Variants in MLH3 observed in about 807,000 individuals in gnomAD.
MLH3 encodes mutL homolog 3.
A neutral mutation model predicts 122.2 loss-of-function variants in MLH3; 82 were observed. That is an observed-to-expected ratio of 0.67 (90% CI 0.56 to 0.81). The LOEUF (loss-of-function observed/expected upper bound fraction) is 0.81, where lower values mean the gene tolerates loss of function less well. Ranked by LOEUF, MLH3 falls within the 30% of genes least tolerant of loss-of-function variation. MLH3 has a pLI of 0.00. For synonymous variants in MLH3, 524 were observed against 599.5 expected, an observed-to-expected ratio of 0.87 and a Z score of 1.84; for missense variants, 1,539 against 1,714.5, an observed-to-expected ratio of 0.90 and a Z score of 1.81.
chr14:75,040,680 T>C (rs939424936), intron 4 of MLH3, among the ~76,000 whole-genome samples: 4 of 152,136 alleles, frequency 2.6e-5, no homozygotes, highest in African/African-American at 9.7e-5. Context: ...ACATGCACAG[T>C]ACATTCTGTG....
intron 8 of MLH3, among the ~76,000 whole-genome samples, chr14:75,031,657 T>C (rs1891056465): frequency 1.3e-5 from 2 of 152,054 alleles, no homozygotes; most frequent in South Asian, 4.2e-4. Flanking sequence ...ACCAAAAAAT[T>C]ACAAAAATTA....
chr14:75,036,030 C>T (rs1891378780), intron 6 of MLH3, among the ~76,000 whole-genome samples: 1 of 152,160 alleles, frequency 6.6e-6, no homozygotes, highest in Non-Finnish European at 1.5e-5. Context: ...TCAGATGATC[C>T]TCATCTTACT....
chr14:75,046,983 C>T lies in MLH3; in HGVS notation c.2673G>A (p.Gly891=), dbSNP rs749302533. Residue 891 remains glycine, a synonymous_variant, in exon 2 of 13, where the codon GGG becomes GGA. Transcript: ENST00000355774. ...GAAGTTCATTAAAACGACTCATCATCCCCATTGTTTGAGTTTCTCTTTCGG... is the reference window on the plus strand; with the variant it reads ...GAAGTTCATTAAAACGACTCATCATTCCCATTGTTTGAGTTTCTCTTTCGG... ...KGSERETQTM[G]MMSRFNELPN... is the part of the protein sequence containing the mutation. 1.9e-6 allele frequency: 3 copies of T among 1,614,142 alleles called. No homozygotes were observed. In the African/African-American group the frequency reaches 4.0e-5, roughly 22 times the overall value.
chr14:75,043,736 CA>C (rs1265573179), intron 2 of MLH3, among the ~76,000 whole-genome samples: 1 of 152,040 alleles, frequency 6.6e-6, no homozygotes, highest in East Asian at 1.9e-4. Flanking sequence ...AAAAAATTAC[CA>C]AGGCTTGGGG....
At chr14:75,032,293 G>T in intron 7 of MLH3, 114 bp from the exon 8 acceptor site, 1 of 738,184 alleles carries the variant, frequency 1.4e-6, no homozygotes. Flanking sequence ...AATGTTTAAT[G>T]TTCAGTTTTA....
intron 7 of MLH3, among the ~76,000 whole-genome samples, chr14:75,033,143 G>A (rs1480405983): frequency 6.6e-6 from 1 of 152,068 alleles, no homozygotes; most frequent in East Asian, 1.9e-4. Context: ...TGTGCTGGAT[G>A]TCAGAGTAAG....
intron 12 of MLH3, among the ~76,000 whole-genome samples, chr14:75,017,406 T>C (rs1301969463): frequency 6.6e-6 from 1 of 152,062 alleles, no homozygotes; most frequent in African/African-American, 2.4e-5. Context: ...CCGGGTGTGG[T>C]GGCGCATGCC....
At chr14:75,041,772 T>G in intron 3 of MLH3, 72 bp from the exon 4 acceptor site, 1 of 1,075,726 alleles carries the variant, frequency 9.3e-7, no homozygotes, top group East Asian at 2.4e-5. Context: ...ATTTCCTGTT[T>G]GGTGAGCCAT....
Position 75,032,136 on chromosome 14 carries a change from T to C in MLH3, c.3759A>G (p.Lys1253=), listed in dbSNP as rs779804105. The change falls in exon 8 of 13, where the codon AAA becomes AAG. Residue 1253 remains lysine (K), a synonymous_variant. Coordinates refer to ENST00000355774, the MANE Select transcript of MLH3 (RefSeq NM_001040108.2). ...GAGGAATTAGAGTAGAAGACAGTAA[T>C]TTTTTCCGACCAGAGCCTTGTGCCT... ...KQQAQGSGRK[K]LLSSTLIPPL... 3 of 1,613,958 alleles carry C rather than the reference T, an allele frequency of 1.9e-6. No individual in the cohort carries two copies. The highest frequency in any genetic ancestry group is 1.6e-4 in the Middle Eastern group (1 of 6,062).
chr14:75,027,861 G>A (rs1566580771), intron 9 of MLH3, among the ~76,000 whole-genome samples: 1 of 151,868 alleles, frequency 6.6e-6, no homozygotes, highest in East Asian at 1.9e-4. Flanking sequence ...AAGATGGGAG[G>A]AGGGTGATGG....
Position 75,049,189 on chromosome 14 carries a change from G to A in MLH3, c.467C>T (p.Pro156Leu). ...VTVYNLFYQL[P>L]VRRKCMDPRL... The stretch of plus-strand genomic sequence containing the variant: ...AGGGTCCATGCATTTCCTCCTTACA[G>A]GAAGCTGGTAAAATAGGTTATACAC... The change falls in exon 2 of 13, where the codon CCT becomes CTT. Residue 156 changes from proline (P) to leucine (L), a missense_variant. Physicochemically the swap from Pro to Leu is moderately conservative, Grantham distance 98 (BLOSUM62 -3). Coordinates refer to ENST00000355774, the MANE Select transcript of MLH3 (RefSeq NM_001040108.2). The A allele has an allele frequency of 6.2e-7, 1 of 1,614,158 alleles. No individual in the cohort carries two copies. Among genetic ancestry groups the A allele is most frequent in the Non-Finnish European group, 8.5e-7 (1 of 1,180,030 alleles).
At chr14:75,032,655 G>A (rs541046837) in intron 7 of MLH3, among the ~76,000 whole-genome samples, 4 of 151,780 alleles carry the variant, frequency 2.6e-5, no homozygotes, top group African/African-American at 7.2e-5. Flanking sequence ...CTCTTAGGCC[G>A]TCATTTTATA....
At position 75,048,334 on chromosome 14, in the gene MLH3, T is replaced by C. The variant is rs1464367083; in HGVS notation, c.1322A>G (p.Tyr441Cys). 6.2e-7 allele frequency: 1 copy of C among 1,614,040 alleles called. No individual in the cohort carries two copies. Among genetic ancestry groups the C allele is most frequent in the Non-Finnish European group, 8.5e-7 (1 of 1,179,992 alleles). The change falls in exon 2 of 13, where the codon TAC becomes TGC. Residue 441 changes from tyrosine (Y) to cysteine (C), a missense_variant. Transcript: ENST00000355774. ...TRKNTNDAFL[Y>C]IYESGGPGHS... is the part of the protein sequence containing the mutation. ...GCCTGGACCACCTGATTCATAAATGTACAAAAATGCATCATTTGTATTTTT... is the reference window on the plus strand; with the variant it reads ...GCCTGGACCACCTGATTCATAAATGCACAAAAATGCATCATTTGTATTTTT...
rs1891917031 is a variant in MLH3 at position 75,042,399 on chromosome 14, A to G, written c.3359T>C (p.Val1120Ala). 2 of 1,614,006 alleles carry G rather than the reference A, an allele frequency of 1.2e-6. No homozygotes were observed. Among genetic ancestry groups the G allele is most frequent in the Admixed American group, 1.7e-5 (1 of 60,004 alleles). ...FLPRARAERT[V>A]MRQDNRDTVD... The stretch of plus-strand genomic sequence containing the variant: ...CTTACCTCTGTTATCCTGTCTCATC[A>G]CAGTCCTCTCTGCTCGAGCTCTCGG... Residue 1120 changes from valine to alanine, a missense_variant, in exon 3 of 13, where the codon GTG becomes GCG. Val to Ala is a moderately conservative substitution (Grantham distance 64, BLOSUM62 0). Transcript: ENST00000355774.
At chr14:75,022,725 T>C (rs771391443) in intron 11 of MLH3, 89 bp downstream of exon 11, 2 of 1,081,272 alleles carry the variant, frequency 1.8e-6, no homozygotes, top group African/African-American at 1.5e-5. Context: ...AAGTAGTAAA[T>C]GTACCCTCTG....
rs1889824567 is a variant in MLH3 at position 75,015,167 on chromosome 14, A to G, written c.*1915T>C. 1 of 175,364 alleles carries G rather than the reference A, an allele frequency of 5.7e-6. No homozygotes were observed. Among genetic ancestry groups the G allele is most frequent in the East Asian group, 9.8e-5 (1 of 10,180 alleles). 10.9% of individuals were successfully genotyped at this position (175,364 alleles called of 1,614,324 possible). A position where few individuals can be genotyped will look rare whatever the true frequency, so the allele number is the denominator to read the frequency against. On this transcript the variant is annotated 3_prime_UTR_variant, in exon 13 of 13. Transcript: ENST00000355774. ...TTATGGCATCTGAGTTAAAAACAACATAAAACCCTAACAGGCGATAAAGGT... is the reference window on the plus strand; with the variant it reads ...TTATGGCATCTGAGTTAAAAACAACGTAAAACCCTAACAGGCGATAAAGGT...
At chr14:75,032,746 A>G (rs1240663497) in intron 7 of MLH3, among the ~76,000 whole-genome samples, 2 of 151,054 alleles carry the variant, frequency 1.3e-5, no homozygotes, top group African/African-American at 2.4e-5. Context: ...ACTCTTTGAC[A>G]TTACTCATTG....
chr14:75,036,763 G>C (rs1255342440), intron 6 of MLH3: 2 of 456,154 alleles, frequency 4.4e-6, no homozygotes, highest in African/African-American at 2.0e-5. Context: ...CAGAACACCA[G>C]AAGTCATCTT....
In MLH3 at chr14:75,046,778, T is replaced by C; in HGVS notation, c.2878A>G (p.Thr960Ala). 1.2e-6 allele frequency: 2 copies of C among 1,614,202 alleles called. No individual in the cohort carries two copies. Among genetic ancestry groups the C allele is most frequent in the Non-Finnish European group, 8.5e-7 (1 of 1,180,014 alleles). ...GTTTCTGATATCACACAGTTCTCTG[T>C]TGTATTGCTGTTAGAATGTGTTTTA... Reference protein sequence around the residue: ...NSKTHSNSNTTENCVISETPL... With the variant: ...NSKTHSNSNTAENCVISETPL... The change falls in exon 2 of 13, where the codon ACA becomes GCA. Residue 960 changes from threonine to alanine, a missense_variant. Physicochemically the swap from Thr to Ala is moderately conservative, Grantham distance 58. Transcript: ENST00000355774.
Sources: gnomAD v4.1 joint callset for allele counts (sites outside exome capture counted in the v4.1 genomes callset) on GRCh38, gnomAD v4.1.1 for gene constraint, MANE v1.5 for transcripts, NCBI Gene and HGNC (gene_info 2026-07-23, HGNC 2026-07-21) for gene names.